Variants in RFX3 observed in about 807,000 individuals in gnomAD.
The protein encoded by RFX3 is regulatory factor X3, also known as transcription factor RFX3.
RFX3 carries 14 observed loss-of-function variants against 98.6 expected under a neutral mutation model. That is an observed-to-expected ratio of 0.14 (90% confidence interval 0.09 to 0.22). The LOEUF (loss-of-function observed/expected upper bound fraction) is 0.22, where lower values mean the gene tolerates loss of function less well. Among genes scored for constraint, RFX3 ranks in the 10% least tolerant of loss-of-function variants. The pLI, the probability that RFX3 is intolerant of heterozygous loss-of-function variation, is 1.00. For synonymous variants in RFX3, 383 were observed against 328.4 expected (o/e 1.17, Z -1.80); for missense variants, 639 against 926.9 (o/e 0.69, Z 4.03).
At position 3,220,888 on chromosome 9, in the gene RFX3, G is replaced by A. The variant is rs12683269; in HGVS notation, c.*4154C>T. On this transcript the variant is annotated 3_prime_UTR_variant, in exon 17 of 17. Coordinates refer to ENST00000617270, the MANE Select transcript of RFX3 (RefSeq NM_001282116.2). Reference sequence around the variant, plus strand: ...ATACTAGGATTCCATTAATTGATTCGTTCTAACCATATACATGGAGGTTGT... The same window carrying A: ...ATACTAGGATTCCATTAATTGATTCATTCTAACCATATACATGGAGGTTGT... The A allele has an allele frequency of 0.12, 18,197 of 151,964 alleles. 1,282 individuals carry two copies. The highest frequency in any genetic ancestry group is 0.19 in the African/African-American group (8,072 of 41,428). The allele number at this position is 151,964 out of a possible 1,614,324, so 9.4% of individuals were successfully genotyped here.
chr9:3,457,440 A>G lies in RFX3; in HGVS notation c.-8-61844T>C, dbSNP rs547145556. On this transcript the variant is annotated intron_variant, in intron 1 of 16. Transcript: ENST00000617270. ...TAACTTCAATTCCCTTACTGTCATT[A>G]GTCTTCTTTACTCAATTTGAGTATC... 1.4e-4 allele frequency among the ~76,000 whole-genome samples: 21 copies of G among 152,248 alleles called. No homozygotes were observed. In the South Asian group the frequency reaches 4.1e-3, roughly 30 times the overall value.
Position 3,301,611 on chromosome 9 carries a change from C to T in RFX3, c.484G>A (p.Ala162Thr). 1 of 1,598,726 alleles carries T rather than the reference C, an allele frequency of 6.3e-7. No homozygotes were observed. The highest frequency in any genetic ancestry group is 8.6e-7 in the Non-Finnish European group (1 of 1,169,100). Reference sequence around the variant, plus strand: ...TCAGACTTTTGCAGCGTCTCAATCGCCATTTCAATCTGATAATAGATGTCA... The same window carrying T: ...TCAGACTTTTGCAGCGTCTCAATCGTCATTTCAATCTGATAATAGATGTCA... ...TRASPATIEMAIETLQKSDGL... is the reference protein window; with the variant it reads ...TRASPATIEMTIETLQKSDGL... The change falls in exon 5 of 17, where the codon GCG becomes ACG. Residue 162 changes from alanine to threonine, a missense_variant. Coordinates refer to ENST00000617270, the MANE Select transcript of RFX3 (RefSeq NM_001282116.2).
chr9:3,371,462 G>C (rs1255266331), intron 2 of RFX3, among the ~76,000 whole-genome samples: 6 of 152,096 alleles, frequency 3.9e-5, no homozygotes, highest in African/African-American at 1.4e-4. Context: ...GATATGCTAT[G>C]ACTTTGGGGA....
At chr9:3,332,791 G>A (rs1453012412) in intron 3 of RFX3, among the ~76,000 whole-genome samples, 3 of 152,090 alleles carry the variant, frequency 2.0e-5, no homozygotes, top group East Asian at 1.9e-4. Flanking sequence ...CTGACAAAGT[G>A]CCATTTTCTC....
chr9:3,357,580 G>C (rs982958893), intron 2 of RFX3, among the ~76,000 whole-genome samples: 2 of 151,964 alleles, frequency 1.3e-5, no homozygotes, highest in Non-Finnish European at 2.9e-5. Flanking sequence ...AATTTCACCG[G>C]AGGCTGGGAA....
At position 3,516,812 on chromosome 9, in the gene RFX3, A is replaced by C. The variant is rs1818222347; in HGVS notation, c.-9+8935T>G. Among the ~76,000 whole-genome samples, 3 of 152,288 alleles carry C rather than the reference A, an allele frequency of 2.0e-5. No individual in the cohort carries two copies. In the South Asian group the frequency reaches 6.2e-4, roughly 32 times the overall value. ...GTTTTAAATATCTCATTGGTGAGCA[A>C]CAGACAGGAGGAGCCCCAAATGTCA... On this transcript the variant is annotated intron_variant, in intron 1 of 16. Transcript: ENST00000617270.
intron 2 of RFX3, among the ~76,000 whole-genome samples, chr9:3,366,958 T>C (rs1227128997): frequency 6.6e-6 from 1 of 152,096 alleles, no homozygotes; most frequent in Admixed American, 6.6e-5. Flanking sequence ...ATGTGAGTTA[T>C]ATGCTTCACT....
chr9:3,356,493 C>G (rs1436650908), intron 2 of RFX3, among the ~76,000 whole-genome samples: 2 of 151,768 alleles, frequency 1.3e-5, no homozygotes, highest in East Asian at 1.9e-4. Flanking sequence ...TGAATTTATT[C>G]CCGCAGAGGA....
intron 12 of RFX3, 142 bp from the exon 13 acceptor site, chr9:3,263,226 C>T: frequency 3.6e-6 from 3 of 827,316 alleles, no homozygotes; most frequent in Non-Finnish European, 5.6e-6. Flanking sequence ...AGAGAGTTTA[C>T]TTGTAAATTA....
At chr9:3,313,811 G>A (rs1159441244) in intron 4 of RFX3, among the ~76,000 whole-genome samples, 3 of 152,104 alleles carry the variant, frequency 2.0e-5, no homozygotes, top group Non-Finnish European at 4.4e-5. Context: ...AGCGAGAAGA[G>A]AAGTTTAGAA....
At chr9:3,346,566 T>C in intron 3 of RFX3, 101 bp downstream of exon 3, 1 of 758,228 alleles carries the variant, frequency 1.3e-6, no homozygotes, top group Non-Finnish European at 2.3e-6. Context: ...GAAAATTACT[T>C]TGAAAACAAG....
chr9:3,500,225 G>T (rs1047401008), intron 1 of RFX3, among the ~76,000 whole-genome samples: 11 of 152,126 alleles, frequency 7.2e-5, no homozygotes, highest in African/African-American at 2.7e-4. Context: ...AAGAGAATGG[G>T]TTCACTAAGG....
At chr9:3,297,335 CCTTT>C (rs1419063224) in intron 5 of RFX3, among the ~76,000 whole-genome samples, 1 of 151,982 alleles carries the variant, frequency 6.6e-6, no homozygotes, top group East Asian at 1.9e-4. Flanking sequence ...GAACTTTTAA[CCTTT>C]ATCTTTAAAA....
chr9:3,300,580 C>T (rs903973632), intron 5 of RFX3, among the ~76,000 whole-genome samples: 2 of 151,526 alleles, frequency 1.3e-5, no homozygotes, highest in Non-Finnish European at 3.0e-5. Context: ...GATCCAATAT[C>T]GAGCTTTTCA....
rs1831888824 is a variant in RFX3, at chr9:3,326,136, G to GT, written c.474+4122dup. On this transcript the variant is annotated intron_variant, in intron 4 of 16. Transcript: ENST00000617270. ...AAATGCCTTTTAAATGTATGTGTAT[G>GT]TATTTATATAAGTAAAAGCATAGAT... Among the ~76,000 whole-genome samples the GT allele has an allele frequency of 2.6e-5, 4 of 151,940 alleles. No individual in the cohort carries two copies. In the South Asian group the frequency reaches 8.3e-4, roughly 31 times the overall value.
chr9:3,433,212 T>G (rs1401997331), intron 1 of RFX3, among the ~76,000 whole-genome samples: 1 of 152,052 alleles, frequency 6.6e-6, no homozygotes, highest in Non-Finnish European at 1.5e-5. Flanking sequence ...GTCAACTGTA[T>G]TTCCATAAAG....
chr9:3,302,551 G>A (rs1286108031), intron 4 of RFX3, among the ~76,000 whole-genome samples: 1 of 151,666 alleles, frequency 6.6e-6, no homozygotes, highest in Admixed American at 6.6e-5. Flanking sequence ...ATCACACCAT[G>A]CAATTTAAGA....
chr9:3,362,856 G>A (rs1490261211), intron 2 of RFX3, among the ~76,000 whole-genome samples: 1 of 152,208 alleles, frequency 6.6e-6, no homozygotes, highest in African/African-American at 2.4e-5. Context: ...AAGTAAAGCA[G>A]GTTTCAAAGG....
intron 4 of RFX3, among the ~76,000 whole-genome samples, chr9:3,323,355 T>TA (rs1434503285): frequency 6.6e-6 from 1 of 152,206 alleles, no homozygotes; most frequent in Non-Finnish European, 1.5e-5. Flanking sequence ...ATGTCACTCT[T>TA]AGACTACAAT....
Sources: allele counts gnomAD v4.1 joint callset (sites outside exome capture counted in the v4.1 genomes callset), GRCh38; gene constraint gnomAD v4.1.1; transcripts MANE v1.5; gene names NCBI Gene and HGNC (gene_info 2026-07-23, HGNC 2026-07-21).